CYP20A1: variants seen among roughly 807,000 people sequenced by gnomAD.
CYP20A1 encodes the protein cytochrome P450 family 20 subfamily A member 1, also known as cytochrome P450 20A1.
A neutral mutation model predicts 61.4 loss-of-function variants in CYP20A1; 61 were observed. That is an observed-to-expected ratio of 0.99 (90% CI 0.81 to 1.23). The LOEUF is 1.23. CYP20A1 is among the 50% of genes most tolerant of loss of function. CYP20A1 has a pLI of 0.00. For synonymous variants in CYP20A1, 193 were observed against 188.2 expected (o/e 1.03, Z -0.21); for missense variants, 530 against 542.4 (o/e 0.98, Z 0.23).
intron 5 of CYP20A1, among the ~76,000 whole-genome samples, chr2:203,270,642 C>G (rs1445535524): frequency 6.6e-6 from 1 of 151,422 alleles, no homozygotes; most frequent in African/African-American, 2.4e-5. Context: ...ATCAATTTAA[C>G]TCTTTCATTG....
intron 4 of CYP20A1, among the ~76,000 whole-genome samples, chr2:203,260,959 T>C (rs2067111696): frequency 2.6e-5 from 4 of 152,198 alleles, no homozygotes; most frequent in Non-Finnish European, 4.4e-5. Context: ...CTCTCTCTCT[T>C]TTTTCTTATT....
At chr2:203,272,261 C>A (rs2152084183) in intron 5 of CYP20A1, among the ~76,000 whole-genome samples, 1 of 151,832 alleles carries the variant, frequency 6.6e-6, no homozygotes, top group Non-Finnish European at 1.5e-5. Context: ...AGGAGAGTTC[C>A]TGCTGGGTAG....
rs558953868 is a variant in CYP20A1, at chr2:203,268,594, G to GTT, written c.600+1923_600+1924dup. ...GGACTTATTCTTCCTCAAATTATTT[G>GTT]TTTTTTTTTTTGTTTGTTTTGTTTT... On this transcript the variant is annotated intron_variant, in intron 5 of 12. Coordinates refer to ENST00000356079, the MANE Select transcript of CYP20A1 (RefSeq NM_177538.3). Among the ~76,000 whole-genome samples, 201 of 145,022 alleles carry GTT rather than the reference G, an allele frequency of 1.4e-3. No individual in the cohort carries two copies. In the Middle Eastern group the frequency reaches 0.028, roughly 20 times the overall value.
At chr2:203,266,388 C>T (rs565056387) in intron 4 of CYP20A1, 126 bp from the exon 5 acceptor site, 43 of 767,266 alleles carry the variant, frequency 5.6e-5, no homozygotes, top group African/African-American at 5.0e-4. Context: ...CTGACAGATT[C>T]GTACCTGAAT....
chr2:203,258,077 T>C (rs1344352923), intron 4 of CYP20A1, among the ~76,000 whole-genome samples: 1 of 61,248 alleles, frequency 1.6e-5, no homozygotes. Context: ...AATTTTTGTA[T>C]TTTTATGTAG....
intron 4 of CYP20A1, among the ~76,000 whole-genome samples, chr2:203,253,389 C>T (rs1307172309): frequency 6.6e-6 from 1 of 152,174 alleles, no homozygotes; most frequent in Non-Finnish European, 1.5e-5. Context: ...CGGGCTCCAT[C>T]CTCCAGAGGC....
At chr2:203,267,154 C>A (rs1227593871) in intron 5 of CYP20A1, among the ~76,000 whole-genome samples, 1 of 151,902 alleles carries the variant, frequency 6.6e-6, no homozygotes, top group Non-Finnish European at 1.5e-5. Flanking sequence ...AAGAGTGAGA[C>A]CCTGTCTCTA....
chr2:203,282,249 A>T (rs1053960976), intron 8 of CYP20A1, among the ~76,000 whole-genome samples: 1 of 151,980 alleles, frequency 6.6e-6, no homozygotes, highest in Admixed American at 6.6e-5. Context: ...GCTGGTCTTG[A>T]ACTGACCTCA....
At chr2:203,262,957 C>T (rs1165362395) in intron 4 of CYP20A1, among the ~76,000 whole-genome samples, 1 of 151,560 alleles carries the variant, frequency 6.6e-6, no homozygotes, top group African/African-American at 2.4e-5. Context: ...GAATTACAGG[C>T]GTGAGCCACT....
chr2:203,296,442 A>G, intron 11 of CYP20A1, 32 bp from the exon 12 acceptor site: 3 of 1,363,794 alleles, frequency 2.2e-6, no homozygotes, highest in South Asian at 1.2e-5. Flanking sequence ...CAGTGGAGCT[A>G]TATTGTGATT....
intron 4 of CYP20A1, among the ~76,000 whole-genome samples, chr2:203,256,027 G>T (rs928498661): frequency 6.6e-6 from 1 of 152,122 alleles, no homozygotes; most frequent in African/African-American, 2.4e-5. Context: ...GCAATGACCT[G>T]ATCATAGCTC....
chr2:203,278,267 G>A (rs2067903804), intron 6 of CYP20A1, among the ~76,000 whole-genome samples: 1 of 152,132 alleles, frequency 6.6e-6, no homozygotes. Context: ...GAGCAAGACT[G>A]TGTCTCAAAA....
intron 3 of CYP20A1, among the ~76,000 whole-genome samples, 158 bp downstream of exon 3, chr2:203,247,079 G>A (rs2066487887): frequency 6.6e-6 from 1 of 151,896 alleles, no homozygotes; most frequent in African/African-American, 2.4e-5. Flanking sequence ...TGGCCAACAT[G>A]GTGAAACCCC....
chr2:203,292,772 T>C (rs1484316978), intron 11 of CYP20A1, among the ~76,000 whole-genome samples: 1 of 151,252 alleles, frequency 6.6e-6, no homozygotes, highest in Non-Finnish European at 1.5e-5. Flanking sequence ...ATCCCCATTA[T>C]ATCTTCTGTT....
Position 203,280,127 on chromosome 2 carries a change from G to T in CYP20A1, c.850+14G>T. ...TAACTGCAAAATGTAAGTATAAATT[G>T]ATTTCTTTTTCAGAGGAATTACTAA... On this transcript the variant is annotated intron_variant, in intron 8 of 12. Coordinates refer to ENST00000356079, the MANE Select transcript of CYP20A1 (RefSeq NM_177538.3). 1 of 1,590,164 alleles carries T rather than the reference G, an allele frequency of 6.3e-7. No homozygotes were observed. The highest frequency in any genetic ancestry group is 2.2e-5 in the East Asian group (1 of 44,578).
chr2:203,276,207 G>T (rs957141956), intron 6 of CYP20A1, among the ~76,000 whole-genome samples: 1 of 152,192 alleles, frequency 6.6e-6, no homozygotes. Flanking sequence ...GGCCAGTATG[G>T]CTGGAATGAA....
At chr2:203,283,232 T>TC (rs2068116589) in intron 8 of CYP20A1, among the ~76,000 whole-genome samples, 1 of 147,568 alleles carries the variant, frequency 6.8e-6, no homozygotes, top group Admixed American at 6.7e-5. Flanking sequence ...TTTTTTTTTT[T>TC]TTGAGGCAGA....
rs1376874684 is a variant in CYP20A1 at position 203,303,891 on chromosome 2, A to C, written c.*6983A>C. Among the ~76,000 whole-genome samples the C allele has an allele frequency of 1.3e-5, 2 of 151,180 alleles. No homozygotes were observed. The highest frequency in any genetic ancestry group is 2.9e-5 in the Non-Finnish European group (2 of 67,800). On this transcript the variant is annotated 3_prime_UTR_variant, in exon 13 of 13. Transcript: ENST00000356079. ...GACTGTCTCAAAAAAAAAAAAAAAAAAAACTTATTGAGAGAATAATATACC... is the reference window on the plus strand; with the variant it reads ...GACTGTCTCAAAAAAAAAAAAAAAACAAACTTATTGAGAGAATAATATACC...
At chr2:203,281,822 G>A (rs115345493) in intron 8 of CYP20A1, among the ~76,000 whole-genome samples, 5,464 of 151,814 alleles carry the variant, frequency 0.036, 140 homozygotes, top group Non-Finnish European at 0.055. Context: ...AAAAACAAAA[G>A]GAAGTATTAG....
Sources: allele counts gnomAD v4.1 joint callset (sites outside exome capture counted in the v4.1 genomes callset), GRCh38; gene constraint gnomAD v4.1.1; transcripts MANE v1.5; gene names NCBI Gene and HGNC (gene_info 2026-07-23, HGNC 2026-07-21).